RARB: variants seen among roughly 807,000 people sequenced by gnomAD.
RARB encodes the protein retinoic acid receptor beta.
In RARB, 17 loss-of-function variants were observed where a neutral mutation model predicts 51.9. That is an observed-to-expected ratio of 0.33 (90% CI 0.22 to 0.49). The LOEUF is 0.49. Among genes scored for constraint, RARB ranks in the 20% least tolerant of loss-of-function variants. The pLI, the probability that RARB is intolerant of heterozygous loss-of-function variation, is 0.99. For synonymous variants in RARB, 215 were observed against 195.4 expected, an observed-to-expected ratio of 1.10 and a Z score of -0.84; for missense variants, 369 against 550.8, an observed-to-expected ratio of 0.67 and a Z score of 3.30.
chr3:24,925,808 C>T (rs775043482), intron 2 of RARB, among the ~76,000 whole-genome samples: 57 of 152,092 alleles, frequency 3.7e-4, no homozygotes, highest in South Asian at 8.3e-4. Flanking sequence ...ATACCTTTCA[C>T]GTGAAAACAG....
At chr3:25,186,884 CCTGTGTGTGTGTGTGT>C (rs1039722781) in intron 5 of RARB, among the ~76,000 whole-genome samples, 3 of 58,820 alleles carry the variant, frequency 5.1e-5, no homozygotes, top group Admixed American at 3.9e-4. Flanking sequence ...AAAAGGTAAG[CCTGTGTGTGTGTGTGT>C]GTGTGTGTGT....
chr3:24,917,828 A>G (rs1695137764), intron 2 of RARB, among the ~76,000 whole-genome samples: 1 of 152,160 alleles, frequency 6.6e-6, no homozygotes, highest in Non-Finnish European at 1.5e-5. Context: ...TGCCCAGCCC[A>G]TGTCGTTAGT....
chr3:25,260,666 T>A (rs1702976960), intron 5 of RARB, among the ~76,000 whole-genome samples: 1 of 152,124 alleles, frequency 6.6e-6, no homozygotes. Context: ...TTTCCTCTAG[T>A]GCTCAGATGA....
chr3:24,845,882 G>A (rs956478692), intron 1 of RARB, among the ~76,000 whole-genome samples: 2 of 152,012 alleles, frequency 1.3e-5, no homozygotes, highest in Non-Finnish European at 2.9e-5. Context: ...TGAATTATTT[G>A]GGGTGATTAC....
At chr3:25,309,505 T>C (rs1318663955) in intron 5 of RARB, among the ~76,000 whole-genome samples, 1 of 124,276 alleles carries the variant, frequency 8.0e-6, no homozygotes, top group Non-Finnish European at 1.6e-5. Context: ...TTTTTTTTTT[T>C]TTTTTTTTTT....
intron 2 of RARB, among the ~76,000 whole-genome samples, chr3:25,009,598 A>G (rs1559432221): frequency 6.6e-6 from 1 of 151,994 alleles, no homozygotes; most frequent in Admixed American, 6.6e-5. Context: ...GTCCTCATTC[A>G]TGCTTTCCCT....
intron 3 of RARB, among the ~76,000 whole-genome samples, chr3:25,510,530 G>A (rs1697837238): frequency 6.6e-6 from 1 of 151,918 alleles, no homozygotes; most frequent in African/African-American, 2.4e-5. Flanking sequence ...GGAGGCTGAG[G>A]CACAAGAATT....
At chr3:24,937,284 A>G (rs951418327) in intron 2 of RARB, among the ~76,000 whole-genome samples, 6 of 152,118 alleles carry the variant, frequency 3.9e-5, no homozygotes, top group Non-Finnish European at 7.4e-5. Context: ...ATTTGGTTCA[A>G]TGTATGTTAG....
chr3:25,363,043 C>T (rs1345563561), intron 5 of RARB, among the ~76,000 whole-genome samples: 1 of 151,432 alleles, frequency 6.6e-6, no homozygotes, highest in Admixed American at 6.6e-5. Flanking sequence ...TGGATAGGAG[C>T]TTTAAAAAAA....
At chr3:25,394,097 TG>T (rs1269408927) in intron 5 of RARB, among the ~76,000 whole-genome samples, 1 of 151,866 alleles carries the variant, frequency 6.6e-6, no homozygotes, top group African/African-American at 2.4e-5. Flanking sequence ...GTTTTGGTTT[TG>T]TCACTATTAT....
intron 2 of RARB, among the ~76,000 whole-genome samples, chr3:24,943,067 C>G (rs1033527850): frequency 4.6e-5 from 7 of 152,192 alleles, no homozygotes; most frequent in African/African-American, 1.7e-4. Context: ...GATTCTGTGG[C>G]ATAGTCCATG....
intron 1 of RARB, among the ~76,000 whole-genome samples, chr3:25,433,810 T>G (rs1708307491): frequency 1.3e-5 from 2 of 152,156 alleles, no homozygotes; most frequent in African/African-American, 4.8e-5. Context: ...ACCCCATCAT[T>G]AAAAAGCATG....
At chr3:24,852,787 C>A (rs535176241) in intron 1 of RARB, among the ~76,000 whole-genome samples, 2 of 152,044 alleles carry the variant, frequency 1.3e-5, no homozygotes, top group Non-Finnish European at 2.9e-5. Flanking sequence ...ATATGGAATT[C>A]TCAAAAAAGG....
rs527957455 is a variant in RARB, at chr3:25,573,414, C to A, written c.609+3496C>A. Among the ~76,000 whole-genome samples, 7 of 152,300 alleles carry A rather than the reference C, an allele frequency of 4.6e-5. No individual in the cohort carries two copies. The South Asian group carries it at 1.5e-3, about 32-fold the overall frequency. ...GTGGAGACTTCTTGTACCTCCCAGT[C>A]AGGCAGAAAAACAGAAACACGATTT... On this transcript the variant is annotated intron_variant, in intron 4 of 7. Coordinates refer to ENST00000330688, the MANE Select transcript of RARB (RefSeq NM_000965.5).
At chr3:24,836,892 AT>A (rs1702352189) in intron 1 of RARB, among the ~76,000 whole-genome samples, 1 of 152,216 alleles carries the variant, frequency 6.6e-6, no homozygotes, top group Non-Finnish European at 1.5e-5. Flanking sequence ...ATTTTTTATC[AT>A]TTATATATGT....
chr3:25,207,730 G>T (rs1461528933), intron 5 of RARB, among the ~76,000 whole-genome samples: 1 of 152,178 alleles, frequency 6.6e-6, no homozygotes, highest in East Asian at 1.9e-4. Context: ...GTATTAAGGT[G>T]CTCAGTAAAT....
At chr3:24,991,773 T>C (rs566147262) in intron 2 of RARB, among the ~76,000 whole-genome samples, 51 of 151,802 alleles carry the variant, frequency 3.4e-4, no homozygotes, top group African/African-American at 1.0e-3. Context: ...TTTTTTTTTT[T>C]CCCTCCCTGC....
At chr3:24,993,877 A>G (rs546347820) in intron 2 of RARB, among the ~76,000 whole-genome samples, 6 of 152,250 alleles carry the variant, frequency 3.9e-5, no homozygotes, top group African/African-American at 1.4e-4. Flanking sequence ...TTGTGTATAT[A>G]TACCATGCTT....
chr3:25,290,978 C>A (rs1703772243), intron 5 of RARB, among the ~76,000 whole-genome samples: 1 of 152,166 alleles, frequency 6.6e-6, no homozygotes. Context: ...TATGAGCTTG[C>A]TCACATGATA....
Sources: gnomAD v4.1 joint callset for allele counts (sites outside exome capture counted in the v4.1 genomes callset) on GRCh38, gnomAD v4.1.1 for gene constraint, MANE v1.5 for transcripts, NCBI Gene and HGNC (gene_info 2026-07-23, HGNC 2026-07-21) for gene names.